SUSD4: variants seen among roughly 807,000 people sequenced by gnomAD.
SUSD4 encodes the protein sushi domain-containing protein 4.
SUSD4 carries 41 observed loss-of-function variants against 50.5 expected under a neutral mutation model. The ratio of observed to expected loss-of-function variants is 0.81; its 90% confidence interval spans 0.63 to 1.05. SUSD4 has a LOEUF of 1.05. SUSD4 is among the 50% of genes least tolerant of loss of function. SUSD4 has a pLI of 0.00. For missense variants in SUSD4, 580 were observed against 634.7 expected (o/e 0.91, Z 0.93); for synonymous variants, 257 against 257.3 (o/e 1.00, Z 0.01).
intron 4 of SUSD4, among the ~76,000 whole-genome samples, chr1:223,267,048 T>C (rs933919814): frequency 1.3e-5 from 2 of 152,192 alleles, no homozygotes; most frequent in Non-Finnish European, 2.9e-5. Context: ...TAAAGAAGCA[T>C]ACCTCTGCAG....
At chr1:223,268,061 G>C (rs1211901750) in intron 4 of SUSD4, among the ~76,000 whole-genome samples, 1 of 73,794 alleles carries the variant, frequency 1.4e-5, no homozygotes, top group Non-Finnish European at 2.4e-5. Context: ...ACTGTTAAGA[G>C]AAAACAGCCT....
At chr1:223,304,135 C>T (rs909906629) in intron 2 of SUSD4, among the ~76,000 whole-genome samples, 16 of 152,246 alleles carry the variant, frequency 1.1e-4, no homozygotes, top group Admixed American at 2.6e-4. Flanking sequence ...GCCCCTCATG[C>T]GTCCGTTTAT....
In SUSD4 at chr1:223,247,944, T is replaced by C. The variant is rs1661050356; in HGVS notation, c.724+16686A>G. On this transcript the variant is annotated intron_variant, in intron 5 of 8. Transcript: ENST00000366878. ...AATTAAATTGTCATGGTATCTGGTC[T>C]GGGTCTTCACCTTTCACCGGACTCT... is the stretch of plus-strand genomic sequence containing the variant. Among the ~76,000 whole-genome samples the C allele has an allele frequency of 2.0e-5, 3 of 152,228 alleles. No homozygotes were observed. In the South Asian group the frequency reaches 6.2e-4, roughly 32 times the overall value.
intron 2 of SUSD4, among the ~76,000 whole-genome samples, chr1:223,301,362 T>C (rs897612890): frequency 6.6e-6 from 1 of 152,192 alleles, no homozygotes. Flanking sequence ...CTCAAACATC[T>C]ATTGACCACC....
In SUSD4 at chr1:223,352,483, C is replaced by T. The variant is rs945658856; in HGVS notation, c.148+10795G>A. The stretch of plus-strand genomic sequence containing the variant: ...TTAAGGAGCGCTTCCTCAAATCAGG[C>T]CCTGGCATTCCAGGGGCCCATGGGT... On this transcript the variant is annotated intron_variant, in intron 2 of 8. Coordinates refer to ENST00000366878, the MANE Select transcript of SUSD4 (RefSeq NM_017982.4). 2.6e-5 allele frequency among the ~76,000 whole-genome samples: 4 copies of T among 152,198 alleles called. No homozygotes were observed. The South Asian group carries it at 8.3e-4, about 32-fold the overall frequency.
At chr1:223,289,499 C>A (rs1664348733) in intron 3 of SUSD4, among the ~76,000 whole-genome samples, 1 of 152,066 alleles carries the variant, frequency 6.6e-6, no homozygotes, top group Admixed American at 6.6e-5. Context: ...GAACAGCTGC[C>A]CAATACCACC....
intron 5 of SUSD4, among the ~76,000 whole-genome samples, chr1:223,247,771 T>C (rs962734546): frequency 2.6e-5 from 4 of 152,052 alleles, no homozygotes; most frequent in African/African-American, 9.7e-5. Flanking sequence ...GTCCTGGGCT[T>C]GGATGGGTCT....
chr1:223,307,668 T>C (rs963597080), intron 2 of SUSD4, among the ~76,000 whole-genome samples: 1 of 152,104 alleles, frequency 6.6e-6, no homozygotes, highest in African/African-American at 2.4e-5. Flanking sequence ...GAAGATACTA[T>C]GGGAAATAGA....
chr1:223,233,923 C>A (rs1315416550), intron 5 of SUSD4, among the ~76,000 whole-genome samples: 1 of 152,198 alleles, frequency 6.6e-6, no homozygotes, highest in African/African-American at 2.4e-5. Context: ...TAGGCAGAAT[C>A]CAAGAAAGGC....
At chr1:223,284,279 G>A (rs907848658) in intron 3 of SUSD4, among the ~76,000 whole-genome samples, 1 of 152,148 alleles carries the variant, frequency 6.6e-6, no homozygotes, top group African/African-American at 2.4e-5. Context: ...ATTTGGTAAC[G>A]AGATCCAACC....
At chr1:223,286,160 G>C (rs1348774825) in intron 3 of SUSD4, among the ~76,000 whole-genome samples, 1 of 152,102 alleles carries the variant, frequency 6.6e-6, no homozygotes, top group African/African-American at 2.4e-5. Flanking sequence ...CTGTCGCCCA[G>C]GCTGGAGTGC....
chr1:223,287,107 G>T (rs933805773), intron 3 of SUSD4, among the ~76,000 whole-genome samples: 1 of 152,172 alleles, frequency 6.6e-6, no homozygotes, highest in African/African-American at 2.4e-5. Flanking sequence ...GGCAAGTCTT[G>T]TTCTGTAGCT....
Position 223,229,112 on chromosome 1 carries a change from C to T in SUSD4, c.916+85G>A. ...GACACTGGGTGGGGGAGGAGAGATA[C>T]AGCTTGGTACATAACCACCACCCAC... On this transcript the variant is annotated intron_variant, in intron 6 of 8. Transcript: ENST00000366878. The surrounding 1 kb of genome is among the most constrained non-coding windows in gnomAD (Gnocchi z 4.7). 1.0e-5 allele frequency: 14 copies of T among 1,352,294 alleles called. No homozygotes were observed. The highest frequency in any genetic ancestry group is 1.4e-5 in the Non-Finnish European group (14 of 984,738). 83.8% of individuals were successfully genotyped at this position (1,352,294 alleles called of 1,614,324 possible).
chr1:223,313,784 A>G (rs1365437828), intron 2 of SUSD4, among the ~76,000 whole-genome samples: 2 of 152,290 alleles, frequency 1.3e-5, no homozygotes, highest in African/African-American at 2.4e-5. Context: ...GGTCATCCTC[A>G]CTGCTCATTA....
chr1:223,256,974 G>A (rs750338809), intron 5 of SUSD4, among the ~76,000 whole-genome samples: 9 of 152,160 alleles, frequency 5.9e-5, no homozygotes, highest in Admixed American at 1.3e-4. Context: ...CTTGCTTCTC[G>A]TGACTGTTGT....
intron 5 of SUSD4, among the ~76,000 whole-genome samples, chr1:223,246,448 C>A (rs888335314): frequency 6.6e-6 from 1 of 152,156 alleles, no homozygotes; most frequent in Non-Finnish European, 1.5e-5. Context: ...AAGCAGAGGC[C>A]GGAGGGTCCA....
intron 2 of SUSD4, among the ~76,000 whole-genome samples, chr1:223,337,317 GA>G (rs1667511043): frequency 6.6e-6 from 1 of 152,202 alleles, no homozygotes; most frequent in Non-Finnish European, 1.5e-5. Context: ...ATGTATGAAG[GA>G]ATGAATGTCA....
chr1:223,358,590 A>C (rs1489391216), intron 2 of SUSD4, among the ~76,000 whole-genome samples: 1 of 152,170 alleles, frequency 6.6e-6, no homozygotes, highest in Non-Finnish European at 1.5e-5. Flanking sequence ...ATCAGTGTTT[A>C]CTGGAGAGAG....
intron 5 of SUSD4, chr1:223,234,959 A>C: frequency 6.3e-7 from 1 of 1,581,938 alleles, no homozygotes; most frequent in Non-Finnish European, 8.5e-7. Flanking sequence ...CATTTAGAAC[A>C]GAGATGTGGT....
Sources: allele counts gnomAD v4.1 joint callset (sites outside exome capture counted in the v4.1 genomes callset), GRCh38; gene constraint gnomAD v4.1.1; non-coding constraint Gnocchi (gnomAD v3.1); transcripts MANE v1.5; gene names NCBI Gene and HGNC (gene_info 2026-07-23, HGNC 2026-07-21).